The following ZNF30 variants were observed in gnomAD, a reference collection of about 807,000 sequenced individuals.
ZNF30 encodes the protein zinc finger protein 30.
Under a neutral mutation model 13.2 loss-of-function variants are expected in ZNF30, and 15 were observed. The ratio of observed to expected loss-of-function variants is 1.13; its 90% CI spans 0.76 to 1.75. ZNF30 has a LOEUF of 1.75. Ranked by LOEUF, ZNF30 falls within the 40% of genes most tolerant of loss-of-function variation. The pLI is 0.00. For missense variants in ZNF30, 726 were observed against 757.0 expected (o/e 0.96, Z 0.48); for synonymous variants, 223 against 256.6 (o/e 0.87, Z 1.25).
chr19:34,933,077 GT>G (rs1042500571), intron 3 of ZNF30, among the ~76,000 whole-genome samples: 1 of 138,046 alleles, frequency 7.2e-6, no homozygotes, highest in Admixed American at 7.1e-5. Context: ...ACCGGGCCTG[GT>G]TTTTTATCAA....
rs758350278 is a variant in ZNF30 at position 34,929,902 on chromosome 19, A to G, written c.-46A>G. 2 of 1,576,562 alleles carry G rather than the reference A, an allele frequency of 1.3e-6. No individual in the cohort carries two copies. Among genetic ancestry groups the G allele is most frequent in the Non-Finnish European group, 1.7e-6 (2 of 1,161,212 alleles). ...TTTCTAGCTTTTGAACTTCTCAGAT[A>G]GAGGAACCCCAGTGAAGACTGATCA... On this transcript the variant is annotated 5_prime_UTR_variant, in exon 2 of 5. The change creates a new upstream start codon in the 5' untranslated region. Transcript: ENST00000601142.
chr19:34,943,685 CT>C lies in ZNF30; in HGVS notation c.723del (p.Leu242Ter), dbSNP rs2013169932. 6.2e-7 allele frequency: 1 copy of C among 1,613,198 alleles called. No individual in the cohort carries two copies. Among genetic ancestry groups the C allele is most frequent in the Admixed American group, 1.7e-5 (1 of 59,872 alleles). On this transcript the variant is annotated frameshift_variant, in exon 5 of 5. Coordinates refer to ENST00000601142, the MANE Select transcript of ZNF30 (RefSeq NM_194325.3). LOFTEE classifies it low-confidence loss of function (END_TRUNC). Reference sequence around the variant, plus strand: ...TATGAGTGCGGGGAATGTGGGAAAGCTTTTCTAGTATATGGAAAGCTTACCC... The same window carrying C: ...TATGAGTGCGGGGAATGTGGGAAAGCTTTCTAGTATATGGAAAGCTTACCC... ...KPYECGECGK[A>X]FLVYGKLTRH...
At chr19:34,928,033 C>T (rs1056641184) in intron 1 of ZNF30, among the ~76,000 whole-genome samples, 18 of 151,052 alleles carry the variant, frequency 1.2e-4, no homozygotes, top group African/African-American at 3.9e-4. Context: ...GGTGAAACCC[C>T]GTCTCTACTA....
upstream of ZNF30, among the ~76,000 whole-genome samples, chr19:34,925,860 C>T (rs1012273735): frequency 6.6e-6 from 1 of 151,978 alleles, no homozygotes. Flanking sequence ...CCAGGAATCA[C>T]TGTAATGTGG....
intron 4 of ZNF30, among the ~76,000 whole-genome samples, chr19:34,942,295 A>T (rs1002043876): frequency 6.6e-6 from 1 of 152,056 alleles, no homozygotes; most frequent in Non-Finnish European, 1.5e-5. Context: ...TTACAAAAAA[A>T]TTAGCTGGAC....
Position 34,944,933 on chromosome 19 carries a change from A to T in ZNF30, c.*95A>T. 1 of 1,164,072 alleles carries T rather than the reference A, an allele frequency of 8.6e-7. No homozygotes were observed. The highest frequency in any genetic ancestry group is 1.2e-6 in the Non-Finnish European group (1 of 850,258). 72.1% of individuals were successfully genotyped at this position (1,164,072 alleles called of 1,614,324 possible). On this transcript the variant is annotated 3_prime_UTR_variant, in exon 5 of 5. Coordinates refer to ENST00000601142, the MANE Select transcript of ZNF30 (RefSeq NM_194325.3). ...GGTAGGAAACTTTCAAATGTGAAGA[A>T]TATTGGCAGGTCTATTCTCATCTTA... is the stretch of plus-strand genomic sequence containing the variant.
intron 2 of ZNF30, among the ~76,000 whole-genome samples, chr19:34,931,224 GATGAGTTTC>G (rs772566173): frequency 4.7e-4 from 71 of 151,894 alleles, no homozygotes; most frequent in Admixed American, 1.3e-4. Context: ...TTTTAGTAGA[GATGAGTTTC>G]ACCGCATAGG....
chr19:34,944,021 C>T lies in ZNF30; in HGVS notation c.1055C>T (p.Ala352Val). 6.2e-7 allele frequency: 1 copy of T among 1,614,046 alleles called. No homozygotes were observed. Among genetic ancestry groups the T allele is most frequent in the Non-Finnish European group, 8.5e-7 (1 of 1,179,988 alleles). The change falls in exon 5 of 5, where the codon GCC (alanine) becomes GTC (valine). Residue 352 changes from alanine to valine, a missense_variant. By Grantham distance (64) the Ala-to-Val change is moderately conservative. Transcript: ENST00000601142. The stretch of plus-strand genomic sequence containing the variant: ...TTTGAATGTAAGGAATGTGGAAAGG[C>T]CTTTAGACTTAGTTCCTTCCTTCAT... The part of the protein sequence containing the change: ...KPFECKECGK[A>V]FRLSSFLHAH...
At chr19:34,938,692 C>G (rs2012867654) in intron 4 of ZNF30, among the ~76,000 whole-genome samples, 1 of 133,042 alleles carries the variant, frequency 7.5e-6, no homozygotes, top group Admixed American at 7.2e-5. Flanking sequence ...GCAGTGCCCA[C>G]CGGAGGTTCA....
At position 34,943,536 on chromosome 19, in the gene ZNF30, C is replaced by T; in HGVS notation, c.570C>T (p.Ala190=). 1 of 1,613,570 alleles carries T rather than the reference C, an allele frequency of 6.2e-7. No homozygotes were observed. Among genetic ancestry groups the T allele is most frequent in the South Asian group, 1.1e-5 (1 of 90,988 alleles). The change falls in exon 5 of 5, where the codon GCC becomes GCT. Residue 190 remains alanine, a synonymous_variant. Transcript: ENST00000601142. Reference sequence around the variant, plus strand: ...GGAAGGCCTTTATCAGTGGCTCAGCCTTTGTTAAGCATGGGAGAATTCACA... The same window carrying T: ...GGAAGGCCTTTATCAGTGGCTCAGCTTTTGTTAAGCATGGGAGAATTCACA... ...KCGKAFISGS[A]FVKHGRIHTG... is the part of the protein sequence containing the mutation.
Position 34,944,628 on chromosome 19 carries a change from A to G in ZNF30, c.1662A>G (p.Gln554=), listed in dbSNP as rs747180662. 4.3e-6 allele frequency: 7 copies of G among 1,614,082 alleles called. No homozygotes were observed. The East Asian group carries it at 1.6e-4, about 36-fold the overall frequency. The change falls in exon 5 of 5, where the codon CAA becomes CAG. Residue 554 remains glutamine (Q), a synonymous_variant. Coordinates refer to ENST00000601142, the MANE Select transcript of ZNF30 (RefSeq NM_194325.3). ...KCGKAFTVYG[Q]LIGHQSVHTG... is the part of the protein sequence containing the mutation. The stretch of plus-strand genomic sequence containing the variant: ...GGAAAGCCTTTACTGTTTATGGACA[A>G]CTTATTGGACATCAGAGTGTTCACA...
At position 34,937,339 on chromosome 19, in the gene ZNF30, G is replaced by C. The variant is rs138626179; in HGVS notation, c.256+3616G>C. 3.1e-3 allele frequency among the ~76,000 whole-genome samples: 471 copies of C among 152,162 alleles called. 3 individuals are homozygous for C. Among genetic ancestry groups the C allele is most frequent in the Non-Finnish European group, 5.2e-3 (354 of 68,004 alleles). The stretch of plus-strand genomic sequence containing the variant: ...GTAGTGACTACTCTTAACATTTAGA[G>C]GTCTTCTAGAGGAGGCTGCAAAAGA... On this transcript the variant is annotated intron_variant, in intron 4 of 4. Transcript: ENST00000601142.
upstream of ZNF30, among the ~76,000 whole-genome samples, chr19:34,924,416 T>C (rs565723183): frequency 4.1e-4 from 62 of 152,318 alleles, no homozygotes; most frequent in African/African-American, 1.4e-3. Flanking sequence ...CCCTCACCCC[T>C]GAACATAAAT....
chr19:34,938,044 C>T (rs1229532164), intron 4 of ZNF30, among the ~76,000 whole-genome samples: 1 of 152,108 alleles, frequency 6.6e-6, no homozygotes, highest in Admixed American at 6.5e-5. Context: ...GATCCACCCA[C>T]CTCGGCCTCC....
Position 34,944,198 on chromosome 19 carries a change from C to T in ZNF30, c.1232C>T (p.Thr411Ile), listed in dbSNP as rs761875486. 6.2e-7 allele frequency: 1 copy of T among 1,613,048 alleles called. No individual in the cohort carries two copies. Among genetic ancestry groups the T allele is most frequent in the Non-Finnish European group, 8.5e-7 (1 of 1,179,228 alleles). ...AAGGAGTGTGGCAAGGCCTTTAGTACTGGCTCATACCTTGTTCAGCATCAG... is the reference window on the plus strand; with the variant it reads ...AAGGAGTGTGGCAAGGCCTTTAGTATTGGCTCATACCTTGTTCAGCATCAG... ...ECKECGKAFS[T>I]GSYLVQHQRI... The change falls in exon 5 of 5, where the codon ACT becomes ATT. Residue 411 changes from threonine to isoleucine, a missense_variant. By Grantham distance (89) the Thr-to-Ile change is moderately conservative. Transcript: ENST00000601142.
Position 34,930,839 on chromosome 19 carries a change from G to A in ZNF30, c.9+883G>A, listed in dbSNP as rs8110846. 5.0e-3 allele frequency among the ~76,000 whole-genome samples: 755 copies of A among 151,890 alleles called. 2 individuals carry two copies. The highest frequency in any genetic ancestry group is 0.017 in the African/African-American group (706 of 41,388). On this transcript the variant is annotated intron_variant, in intron 2 of 4. Transcript: ENST00000601142. ...GGTCATAGCACTGCACTACAGACTG[G>A]GCAACACAGTGAGACTGTGTCTCAA...
At chr19:34,925,617 G>A (rs985041205), upstream of ZNF30, among the ~76,000 whole-genome samples, 7 of 152,092 alleles carry the variant, frequency 4.6e-5, no homozygotes, top group Non-Finnish European at 1.0e-4. Context: ...TGGGGGCGTG[G>A]CAGGCCAGGG....
chr19:34,941,793 C>T (rs1362654956), intron 4 of ZNF30, among the ~76,000 whole-genome samples: 4 of 152,176 alleles, frequency 2.6e-5, no homozygotes, highest in African/African-American at 7.2e-5. Context: ...CCAGTGATCT[C>T]GTCCTATGGG....
At position 34,944,599 on chromosome 19, in the gene ZNF30, T is replaced by C. The variant is rs2013241138; in HGVS notation, c.1633T>C (p.Cys545Arg). 1 of 1,614,080 alleles carries C rather than the reference T, an allele frequency of 6.2e-7. No homozygotes were observed. The highest frequency in any genetic ancestry group is 8.5e-7 in the Non-Finnish European group (1 of 1,179,984). The change falls in exon 5 of 5, where the codon TGT becomes CGT. Residue 545 changes from cysteine (C) to arginine (R), a missense_variant. By Grantham distance (180) the Cys-to-Arg change is radical. Coordinates refer to ENST00000601142, the MANE Select transcript of ZNF30 (RefSeq NM_194325.3). ...GGAGAAACCCTATGAATGTAACAAA[T>C]GTGGGAAAGCCTTTACTGTTTATGG... ...TGEKPYECNK[C>R]GKAFTVYGQL... is the part of the protein sequence containing the mutation.
Sources: allele counts gnomAD v4.1 joint callset (sites outside exome capture counted in the v4.1 genomes callset), GRCh38; gene constraint gnomAD v4.1.1; transcripts MANE v1.5; gene names NCBI Gene and HGNC (gene_info 2026-07-23, HGNC 2026-07-21).